Variants in LRBA observed in about 807,000 individuals in gnomAD.
The protein encoded by LRBA is lipopolysaccharide-responsive and beige-like anchor protein.
A neutral mutation model predicts 330.0 loss-of-function variants in LRBA; 176 were observed. The ratio of observed to expected loss-of-function variants is 0.53; its 90% CI spans 0.47 to 0.60. LRBA has a LOEUF of 0.60. Among genes scored for constraint, LRBA ranks in the 20% least tolerant of loss-of-function variants. The pLI is 0.00. For synonymous variants in LRBA, 1,230 were observed against 1,193.0 expected, an observed-to-expected ratio of 1.03 and a Z score of -0.64; for missense variants, 3,259 against 3,444.8, an observed-to-expected ratio of 0.95 and a Z score of 1.35.
At chr4:150,413,720 T>C (rs1366607596) in intron 47 of LRBA, among the ~76,000 whole-genome samples, 1 of 152,204 alleles carries the variant, frequency 6.6e-6, no homozygotes, top group Non-Finnish European at 1.5e-5. Flanking sequence ...CTGTATACAC[T>C]TACTAAACTC....
chr4:150,959,720 C>CATATTTATATA (rs1737923878), intron 2 of LRBA, among the ~76,000 whole-genome samples: 1 of 146,476 alleles, frequency 6.8e-6, no homozygotes, highest in East Asian at 1.9e-4. Context: ...GTTCCAATTA[C>CATATTTATATA]ATATTTATAT....
At chr4:150,766,251 C>T (rs1735747791) in intron 34 of LRBA, among the ~76,000 whole-genome samples, 1 of 151,860 alleles carries the variant, frequency 6.6e-6, no homozygotes, top group South Asian at 2.1e-4. Flanking sequence ...AAAATTATCA[C>T]AAATCTCAGG....
intron 40 of LRBA, among the ~76,000 whole-genome samples, chr4:150,500,990 A>G (rs545625720): frequency 3.1e-4 from 47 of 152,300 alleles, no homozygotes; most frequent in Non-Finnish European, 5.3e-4. Context: ...AATAGTACAG[A>G]TTTGTATTCA....
At chr4:150,326,715 C>CTTA (rs765614649) in intron 48 of LRBA, among the ~76,000 whole-genome samples, 1 of 152,084 alleles carries the variant, frequency 6.6e-6, no homozygotes, top group African/African-American at 2.4e-5. Flanking sequence ...AAAGCAGGAC[C>CTTA]TTATGTATCT....
chr4:150,493,481 G>A (rs780109836), intron 40 of LRBA, among the ~76,000 whole-genome samples: 4 of 152,090 alleles, frequency 2.6e-5, no homozygotes, highest in South Asian at 2.1e-4. Context: ...TATTTGATCC[G>A]CATGATATTT....
intron 34 of LRBA, among the ~76,000 whole-genome samples, chr4:150,764,635 T>C (rs1045385433): frequency 6.6e-6 from 1 of 151,918 alleles, no homozygotes; most frequent in African/African-American, 2.4e-5. Flanking sequence ...CTTTGACACC[T>C]CACCAAAGAA....
intron 2 of LRBA, among the ~76,000 whole-genome samples, chr4:150,944,176 T>C (rs990700039): frequency 6.6e-5 from 10 of 152,252 alleles, no homozygotes; most frequent in African/African-American, 2.4e-4. Context: ...AAAACTGAGC[T>C]GATAAATGTT....
At chr4:150,512,421 G>A (rs1027227659) in intron 40 of LRBA, among the ~76,000 whole-genome samples, 1 of 152,100 alleles carries the variant, frequency 6.6e-6, no homozygotes, top group African/African-American at 2.4e-5. Context: ...AACTTCCAAC[G>A]TGATGGCAAC....
At chr4:150,616,906 CTAGA>C (rs1487698246) in intron 37 of LRBA, among the ~76,000 whole-genome samples, 2 of 152,174 alleles carry the variant, frequency 1.3e-5, no homozygotes, top group African/African-American at 4.8e-5. Context: ...TAAGAATACA[CTAGA>C]TATAGAGAAA....
intron 40 of LRBA, among the ~76,000 whole-genome samples, chr4:150,542,142 T>C (rs941288670): frequency 6.6e-6 from 1 of 152,182 alleles, no homozygotes; most frequent in Non-Finnish European, 1.5e-5. Flanking sequence ...GAAATCAATC[T>C]CAAACAAAAA....
At chr4:150,968,741 T>A (rs1259747052) in intron 2 of LRBA, among the ~76,000 whole-genome samples, 1 of 152,200 alleles carries the variant, frequency 6.6e-6, no homozygotes, top group East Asian at 1.9e-4. Flanking sequence ...CTGATAAAGG[T>A]GGCTACACAA....
chr4:150,761,755 CA>C lies in LRBA; in HGVS notation c.5645+27del. On this transcript the variant is annotated intron_variant, in intron 35 of 56. Coordinates refer to ENST00000651943, the MANE Select transcript of LRBA (RefSeq NM_001364905.1). ...AAACCCAAGATTTTAAAGAAAAATA[CA>C]AAATGAATTAAAATAAAATAAATTA... The C allele has an allele frequency of 2.1e-6, 3 of 1,422,864 alleles. No individual in the cohort carries two copies. In the South Asian group the frequency reaches 4.0e-5, roughly 19 times the overall value. 88.1% of individuals were successfully genotyped at this position (1,422,864 alleles called of 1,614,324 possible).
At chr4:150,428,614 A>T (rs1431915902) in intron 46 of LRBA, among the ~76,000 whole-genome samples, 1 of 152,104 alleles carries the variant, frequency 6.6e-6, no homozygotes, top group East Asian at 1.9e-4. Context: ...GAAAAGCTTT[A>T]TGCCTCCTGT....
intron 32 of LRBA, among the ~76,000 whole-genome samples, chr4:150,806,800 A>T (rs1397386985): frequency 1.3e-5 from 2 of 152,078 alleles, no homozygotes; most frequent in Admixed American, 6.5e-5. Flanking sequence ...TCATTTTAAA[A>T]TTCACAGTTA....
At chr4:150,538,522 G>C (rs1764932668) in intron 40 of LRBA, among the ~76,000 whole-genome samples, 1 of 152,108 alleles carries the variant, frequency 6.6e-6, no homozygotes, top group Non-Finnish European at 1.5e-5. Context: ...CATCCTGAGT[G>C]AATTAATGCA....
chr4:150,802,822 A>G (rs1297258181), intron 33 of LRBA, among the ~76,000 whole-genome samples: 1 of 152,008 alleles, frequency 6.6e-6, no homozygotes. Context: ...CAGGAGTTTG[A>G]GATCAGCCTG....
intron 36 of LRBA, among the ~76,000 whole-genome samples, chr4:150,716,321 C>A (rs1228249161): frequency 6.6e-6 from 1 of 152,084 alleles, no homozygotes; most frequent in Non-Finnish European, 1.5e-5. Context: ...GTTGTGGGCA[C>A]CTGTAATCCC....
intron 40 of LRBA, among the ~76,000 whole-genome samples, chr4:150,519,219 T>G (rs1581563715): frequency 6.6e-6 from 1 of 152,240 alleles, no homozygotes; most frequent in East Asian, 1.9e-4. Flanking sequence ...ACTTAAAATT[T>G]TATTAAGGTA....
intron 34 of LRBA, among the ~76,000 whole-genome samples, chr4:150,771,804 T>C (rs920149942): frequency 1.1e-4 from 17 of 152,306 alleles, no homozygotes; most frequent in African/African-American, 4.1e-4. Flanking sequence ...CCTGCCACCA[T>C]GGCCACCTTG....
Sources: gnomAD v4.1 joint callset for allele counts (sites outside exome capture counted in the v4.1 genomes callset) on GRCh38, gnomAD v4.1.1 for gene constraint, MANE v1.5 for transcripts, NCBI Gene and HGNC (gene_info 2026-07-23, HGNC 2026-07-21) for gene names.